The following RARA variants were observed in gnomAD, a reference collection of about 807,000 sequenced individuals.
RARA encodes PML-DDX5-RARA fusion.
A neutral mutation model predicts 42.8 loss-of-function variants in RARA; 5 were observed. That is an observed-to-expected ratio of 0.12 (90% CI 0.06 to 0.25). RARA has a LOEUF of 0.25. Ranked by LOEUF, RARA falls within the 10% of genes least tolerant of loss-of-function variation. The probability of loss-of-function intolerance (pLI) is 1.00; values close to 1 mark genes in which losing one functional copy is unlikely to be tolerated. For missense variants in RARA, 402 were observed against 628.7 expected (o/e 0.64, Z 3.86); for synonymous variants, 256 against 259.5 (o/e 0.99, Z 0.13).
At position 40,342,474 on chromosome 17, in the gene RARA, C is replaced by G. The variant is rs909233898; in HGVS notation, c.179-5842C>G. ...GCTTCCCTGGGAGAGCCGACGGACC[C>G]CCCCTCCCAGCACACACAACTTCCC... On this transcript the variant is annotated intron_variant, in intron 2 of 8. Coordinates refer to ENST00000254066, the MANE Select transcript of RARA (RefSeq NM_000964.4). 4 of 1,243,612 alleles carry G rather than the reference C, an allele frequency of 3.2e-6. No individual in the cohort carries two copies. The African/African-American group carries it at 6.2e-5, about 19-fold the overall frequency. The allele number at this position is 1,243,612 out of a possible 1,614,324, so 77.0% of individuals were successfully genotyped here.
chr17:40,321,889 A>G (rs1015384681), intron 1 of RARA, among the ~76,000 whole-genome samples: 1 of 152,080 alleles, frequency 6.6e-6, no homozygotes, highest in Non-Finnish European at 1.5e-5. Context: ...TCGCCACTCC[A>G]AGTGTCAACC....
intron 2 of RARA, among the ~76,000 whole-genome samples, chr17:40,340,096 C>G (rs1196812651): frequency 6.6e-6 from 1 of 152,122 alleles, no homozygotes; most frequent in Non-Finnish European, 1.5e-5. Flanking sequence ...TCTTTGCTAC[C>G]TCTTTTCCCA....
At chr17:40,342,446 C>T in intron 2 of RARA, 5 of 1,210,464 alleles carry the variant, frequency 4.1e-6, no homozygotes, top group Non-Finnish European at 5.2e-6. Flanking sequence ...CGGGCCCCGC[C>T]AGGCTTCCCT....
At chr17:40,342,950 C>A in intron 2 of RARA, 8 of 1,526,350 alleles carry the variant, frequency 5.2e-6, no homozygotes, top group Non-Finnish European at 6.1e-6. Flanking sequence ...GGTGAGAGTC[C>A]CGGGGTGTAG....
At chr17:40,344,314 A>G (rs2034177862) in intron 2 of RARA, among the ~76,000 whole-genome samples, 1 of 151,700 alleles carries the variant, frequency 6.6e-6, no homozygotes, top group Non-Finnish European at 1.5e-5. Flanking sequence ...GGAAGGTATC[A>G]CCCTTGACTT....
chr17:40,341,499 A>T (rs1042346907), intron 2 of RARA: 5 of 1,489,954 alleles, frequency 3.4e-6, no homozygotes, highest in Non-Finnish European at 4.5e-6. Flanking sequence ...ACCCGGCCCT[A>T]CGCCTCCTGC....
chr17:40,345,844 G>T lies in RARA; in HGVS notation c.179-2472G>T, dbSNP rs2034250141. 6.6e-6 allele frequency among the ~76,000 whole-genome samples: 1 copy of T among 152,216 alleles called. No individual in the cohort carries two copies. The highest frequency in any genetic ancestry group is 1.5e-5 in the Non-Finnish European group (1 of 68,032). On this transcript the variant is annotated intron_variant, in intron 2 of 8. Coordinates refer to ENST00000254066, the MANE Select transcript of RARA (RefSeq NM_000964.4). The surrounding 1 kb of genome is among the most constrained non-coding windows in gnomAD (Gnocchi z 4.8). ...TTGCAGAGGCTGTGAGGATTCCGGAGTTCCCCACACCTCCGGCCTTGGTCC... is the reference window on the plus strand; with the variant it reads ...TTGCAGAGGCTGTGAGGATTCCGGATTTCCCCACACCTCCGGCCTTGGTCC...
chr17:40,334,780 C>A (rs996351500), intron 2 of RARA, among the ~76,000 whole-genome samples: 8 of 152,180 alleles, frequency 5.3e-5, no homozygotes, highest in African/African-American at 1.9e-4. Flanking sequence ...TCCCTCCTCC[C>A]CCTCATCCCT....
Position 40,356,177 on chromosome 17 carries a change from G to A in RARA, c.1340G>A (p.Ser447Asn). The A allele has an allele frequency of 6.4e-7, 1 of 1,551,092 alleles. No individual in the cohort carries two copies. The highest frequency in any genetic ancestry group is 8.7e-7 in the Non-Finnish European group (1 of 1,147,400). Residue 447 changes from serine to asparagine, a missense_variant, in exon 9 of 9, where the codon AGC (serine) becomes AAC (asparagine). By Grantham distance (46) the Ser-to-Asn change is conservative (BLOSUM62 1). Coordinates refer to ENST00000254066, the MANE Select transcript of RARA (RefSeq NM_000964.4). ...LAPPPGSCSP[S>N]LSPSSNRSSP... is the part of the protein sequence containing the mutation. ...CCCCCGCCAGGCAGCTGTAGCCCCA[G>A]CCTCAGCCCCAGCTCCAACAGAAGC...
chr17:40,312,455 C>G (rs2033115289), intron 1 of RARA, among the ~76,000 whole-genome samples: 1 of 152,242 alleles, frequency 6.6e-6, no homozygotes, highest in South Asian at 2.1e-4. Flanking sequence ...ATTTCCTGCT[C>G]TTTGGGCAGC....
intron 1 of RARA, among the ~76,000 whole-genome samples, chr17:40,313,728 C>T (rs1314525644): frequency 2.0e-5 from 3 of 152,118 alleles, no homozygotes; most frequent in Non-Finnish European, 2.9e-5. Flanking sequence ...CCACCCCCAA[C>T]GCACCAAGCA....
At chr17:40,335,889 G>A (rs771976829) in intron 2 of RARA, among the ~76,000 whole-genome samples, 11 of 151,814 alleles carry the variant, frequency 7.2e-5, no homozygotes, top group Non-Finnish European at 1.5e-4. Context: ...TATAGTCTCA[G>A]CTACTCGGGA....
intron 2 of RARA, among the ~76,000 whole-genome samples, chr17:40,343,808 C>T (rs553231709): frequency 9.7e-4 from 147 of 152,270 alleles, no homozygotes; most frequent in African/African-American, 3.4e-3. Context: ...CACTTTCTCT[C>T]CTTGTTGCCC....
rs767570841 is a variant in RARA, at chr17:40,355,302, T to A, written c.1052T>A (p.Leu351Gln). 16 of 1,601,548 alleles carry A rather than the reference T, an allele frequency of 1.0e-5. No individual in the cohort carries two copies. Among genetic ancestry groups the A allele is most frequent in the Non-Finnish European group, 1.3e-5 (15 of 1,173,946 alleles). The change falls in exon 8 of 9, where the codon CTG (leucine) becomes CAG (glutamine). Residue 351 changes from leucine (L) to glutamine (Q), a missense_variant. Leu to Gln is a moderately radical substitution (Grantham distance 113). Transcript: ENST00000254066. This position sits in a 1 kb window ranked among gnomAD's most constrained non-coding sequence, Gnocchi z 4.1. ...GAGCAGCCGGACCGGGTGGACATGCTGCAGGAGCCGCTGCTGGAGGCGCTA... is the reference window on the plus strand; with the variant it reads ...GAGCAGCCGGACCGGGTGGACATGCAGCAGGAGCCGCTGCTGGAGGCGCTA... ...DLEQPDRVDM[L>Q]QEPLLEALKV...
intron 1 of RARA, among the ~76,000 whole-genome samples, chr17:40,319,047 T>G (rs2033293516): frequency 6.6e-6 from 1 of 152,044 alleles, no homozygotes; most frequent in African/African-American, 2.4e-5. Flanking sequence ...GTGGGAACTT[T>G]TTGGGGTGAG....
At chr17:40,333,338 G>A (rs982241673) in intron 2 of RARA, among the ~76,000 whole-genome samples, 3 of 151,938 alleles carry the variant, frequency 2.0e-5, no homozygotes, top group Non-Finnish European at 4.4e-5. Flanking sequence ...ATGAGCCAAC[G>A]CGCCTGGCCA....
intron 2 of RARA, among the ~76,000 whole-genome samples, chr17:40,344,722 C>T (rs764179208): frequency 3.9e-5 from 6 of 152,114 alleles, no homozygotes; most frequent in East Asian, 1.9e-4. Context: ...GTAGTCTGAG[C>T]GTGGGTGTGC....
At position 40,326,811 on chromosome 17, in the gene RARA, G is replaced by A. The variant is rs2143242844; in HGVS notation, c.-362-4046G>A. Among the ~76,000 whole-genome samples the A allele has an allele frequency of 6.6e-6, 1 of 152,258 alleles. No homozygotes were observed. Among genetic ancestry groups the A allele is most frequent in the East Asian group, 1.9e-4 (1 of 5,182 alleles). ...GGCCTTCTCCACCCCTGGGGTGTAGGGGGCTGGGGCCCAGGTGTCTCTCTG... is the reference window on the plus strand; with the variant it reads ...GGCCTTCTCCACCCCTGGGGTGTAGAGGGCTGGGGCCCAGGTGTCTCTCTG... On this transcript the variant is annotated intron_variant, in intron 1 of 8. Transcript: ENST00000254066. The surrounding 1 kb of genome is among the most constrained non-coding windows in gnomAD (Gnocchi z 5.2).
chr17:40,317,687 C>T (rs2033242979), intron 1 of RARA, among the ~76,000 whole-genome samples: 1 of 151,342 alleles, frequency 6.6e-6, no homozygotes, highest in South Asian at 2.1e-4. Context: ...GGGAGATCTA[C>T]TCCTGGACTC....
Sources: gnomAD v4.1 joint callset for allele counts (sites outside exome capture counted in the v4.1 genomes callset) on GRCh38, gnomAD v4.1.1 for gene constraint, Gnocchi (gnomAD v3.1) non-coding constraint, MANE v1.5 for transcripts, NCBI Gene and HGNC (gene_info 2026-07-23, HGNC 2026-07-21) for gene names.